The following COL1A2 variants were observed in gnomAD, a reference collection of about 807,000 sequenced individuals.
COL1A2 encodes collagen type I alpha 2 chain.
COL1A2 carries 49 observed loss-of-function variants against 174.3 expected under a neutral mutation model. The observed-to-expected ratio is 0.28, with a 90% CI of 0.22 to 0.36. COL1A2 has a LOEUF of 0.36. COL1A2 is among the 10% of genes least tolerant of loss of function. The pLI is 1.00. For synonymous variants in COL1A2, 655 were observed against 606.6 expected, an observed-to-expected ratio of 1.08 and a Z score of -1.17; for missense variants, 1,438 against 1,822.7, an observed-to-expected ratio of 0.79 and a Z score of 3.84.
chr7:94,412,461 C>T (rs1791948504), intron 24 of COL1A2, 123 bp from the exon 25 acceptor site: 18 of 765,692 alleles, frequency 2.4e-5, no homozygotes, highest in South Asian at 1.6e-4. Context: ...AATTTATTAA[C>T]GCTTTATACA....
chr7:94,412,991 C>A, intron 25 of COL1A2, 92 bp from the exon 26 acceptor site: 1 of 1,255,336 alleles, frequency 8.0e-7, no homozygotes, highest in Non-Finnish European at 1.2e-6. Flanking sequence ...AACACAAAAA[C>A]AAGCAGGATT....
At chr7:94,405,841 C>A in intron 11 of COL1A2, 115 bp downstream of exon 11, 3 of 920,086 alleles carry the variant, frequency 3.3e-6, no homozygotes, top group South Asian at 1.3e-5. Flanking sequence ...TGGAGTTTGC[C>A]AAAGGGAAGA....
chr7:94,410,882 C>T lies in COL1A2; in HGVS notation c.1198-7C>T. On this transcript the variant is annotated splice_polypyrimidine_tract_variant and splice_region_variant and intron_variant, in intron 21 of 51. Coordinates refer to ENST00000297268, the MANE Select transcript of COL1A2 (RefSeq NM_000089.4). ...TAATTCTCTCTATTTCATGTACTTT[C>T]TTGCAGGGTAGTCCTGGTTCTCGTG... 1 of 1,613,720 alleles carries T rather than the reference C, an allele frequency of 6.2e-7. No homozygotes were observed. The highest frequency in any genetic ancestry group is 8.5e-7 in the Non-Finnish European group (1 of 1,179,722).
intron 26 of COL1A2, 122 bp from the exon 27 acceptor site, chr7:94,413,568 A>G: frequency 2.1e-6 from 2 of 975,120 alleles, no homozygotes; most frequent in Non-Finnish European, 3.2e-6. Context: ...GGGAACCCAC[A>G]ATGAGTTTAA....
chr7:94,429,133 T>G, intron 50 of COL1A2, 55 bp from the exon 51 acceptor site: 1 of 1,230,900 alleles, frequency 8.1e-7, no homozygotes, highest in Non-Finnish European at 1.2e-6. Context: ...CATGTTTGAC[T>G]CTTAGTATCT....
chr7:94,407,321 C>T (rs2115885011), intron 12 of COL1A2, among the ~76,000 whole-genome samples: 1 of 143,462 alleles, frequency 7.0e-6, no homozygotes, highest in Admixed American at 7.2e-5. Flanking sequence ...AGTTCTTTTA[C>T]ATGTGCCATA....
intron 21 of COL1A2, 107 bp from the exon 22 acceptor site, chr7:94,410,782 G>C: frequency 7.8e-7 from 1 of 1,276,718 alleles, no homozygotes; most frequent in Non-Finnish European, 1.1e-6. Flanking sequence ...GGCTTGGTTT[G>C]TGTCTGTATC....
rs760260434 is a variant in COL1A2 at position 94,426,411 on chromosome 7, G to C, written c.2998-12G>C. The C allele has an allele frequency of 1.9e-6, 3 of 1,579,126 alleles. No individual in the cohort carries two copies. Among genetic ancestry groups the C allele is most frequent in the East Asian group, 2.3e-5 (1 of 43,462 alleles). On this transcript the variant is annotated splice_polypyrimidine_tract_variant and intron_variant, in intron 45 of 51. Coordinates refer to ENST00000297268, the MANE Select transcript of COL1A2 (RefSeq NM_000089.4). ...AACGGTAAGTCTTATCCATCCTTCT[G>C]TTTCTTTATAGGGCCCACAAGGCAT... is the stretch of plus-strand genomic sequence containing the variant.
chr7:94,413,251 AG>A (rs1053509835), intron 26 of COL1A2, 115 bp downstream of exon 26: 16 of 1,086,706 alleles, frequency 1.5e-5, no homozygotes, highest in Non-Finnish European at 2.3e-5. Context: ...TGGCATCCCC[AG>A]GGGTCCTTTT....
intron 2 of COL1A2, among the ~76,000 whole-genome samples, chr7:94,398,016 G>T (rs1312787320): frequency 2.0e-5 from 3 of 152,046 alleles, no homozygotes; most frequent in Non-Finnish European, 4.4e-5. Context: ...TAATCCAATA[G>T]AAGTTTGAGT....
At chr7:94,414,009 A>ATG in intron 28 of COL1A2, 62 bp downstream of exon 28, 1 of 1,461,026 alleles carries the variant, frequency 6.8e-7, no homozygotes. Context: ...GTAAATCACC[A>ATG]TACCGTACCT....
Position 94,427,029 on chromosome 7 carries a change from G to C in COL1A2, c.3127G>C (p.Ala1043Pro). 6.2e-7 allele frequency: 1 copy of C among 1,613,982 alleles called. No individual in the cohort carries two copies. The highest frequency in any genetic ancestry group is 1.3e-5 in the African/African-American group (1 of 74,968). ...GIAGHHGDQG[A>P]PGSVGPAGPR... is the part of the protein sequence containing the mutation. Reference sequence around the variant, plus strand: ...AAAGGGTCACCATGGTGATCAAGGTGCTCCTGGCTCCGTGGGTCCTGCTGG... The same window carrying C: ...AAAGGGTCACCATGGTGATCAAGGTCCTCCTGGCTCCGTGGGTCCTGCTGG... The change falls in exon 47 of 52, where the codon GCT becomes CCT. Residue 1043 changes from alanine (A) to proline (P), a missense_variant. Physicochemically the swap from Ala to Pro is conservative, Grantham distance 27. Transcript: ENST00000297268.
At chr7:94,399,019 A>C (rs779059296) in intron 3 of COL1A2, 30 bp from the exon 4 acceptor site, 2 of 1,609,138 alleles carry the variant, frequency 1.2e-6, no homozygotes, top group South Asian at 1.1e-5. Flanking sequence ...TTAGGCATTT[A>C]TTATTGTCCT....
chr7:94,410,321 T>C, intron 20 of COL1A2, 26 bp downstream of exon 20: 1 of 1,613,544 alleles, frequency 6.2e-7, no homozygotes, highest in Non-Finnish European at 8.5e-7. Context: ...ATCACACTTT[T>C]ATAAAGTTAA....
At chr7:94,404,119 A>C (rs567605151) in intron 6 of COL1A2, among the ~76,000 whole-genome samples, 1 of 152,192 alleles carries the variant, frequency 6.6e-6, no homozygotes, top group Non-Finnish European at 1.5e-5. Flanking sequence ...TTTTCAATTT[A>C]TGTCCTTTGT....
chr7:94,423,115 T>C lies in COL1A2; in HGVS notation c.2562T>C (p.Thr854=). 6.2e-7 allele frequency: 1 copy of C among 1,614,164 alleles called. No individual in the cohort carries two copies. Among genetic ancestry groups the C allele is most frequent in the South Asian group, 1.1e-5 (1 of 91,078 alleles). Residue 854 remains threonine (T), a synonymous_variant, in exon 40 of 52, where the codon ACT becomes ACC. Coordinates refer to ENST00000297268, the MANE Select transcript of COL1A2 (RefSeq NM_000089.4). ...AGGGTCCCTCTGGAGAGGCTGGTAC[T>C]GCTGTAAGTGATTTCCAACTCCTCT... ...GEKGPSGEAG[T]AGPPGTPGPQ...
At chr7:94,422,056 T>C in intron 39 of COL1A2, 104 bp downstream of exon 39, 1 of 919,714 alleles carries the variant, frequency 1.1e-6, no homozygotes, top group Non-Finnish European at 1.7e-6. Flanking sequence ...ATCACTAATA[T>C]TCGCTATTAC....
chr7:94,408,309 C>A lies in COL1A2; in HGVS notation c.694-27C>A, dbSNP rs1162955873. ...TAATGGCTGTCATTTAAGTTTCCAC[C>A]TGATCTTCCCTTTATTTTCTTCTTA... On this transcript the variant is annotated intron_variant, in intron 14 of 51. Coordinates refer to ENST00000297268, the MANE Select transcript of COL1A2 (RefSeq NM_000089.4). 5 of 1,613,802 alleles carry A rather than the reference C, an allele frequency of 3.1e-6. No homozygotes were observed. The African/African-American group carries it at 6.7e-5, about 22-fold the overall frequency.
At chr7:94,412,542 A>C (rs890383969) in intron 24 of COL1A2, 42 bp from the exon 25 acceptor site, 1 of 1,493,352 alleles carries the variant, frequency 6.7e-7, no homozygotes, top group African/African-American at 1.4e-5. Context: ...GGTTGTGAGA[A>C]TATGTTGACA....
Sources: allele counts gnomAD v4.1 joint callset (sites outside exome capture counted in the v4.1 genomes callset), GRCh38; gene constraint gnomAD v4.1.1; transcripts MANE v1.5; gene names NCBI Gene and HGNC (gene_info 2026-07-23, HGNC 2026-07-21).